Variants in LRRC37A2 observed in about 807,000 individuals in gnomAD.
LRRC37A2 encodes the protein leucine-rich repeat-containing protein 37A2.
LRRC37A2 carries 9 observed loss-of-function variants against 68.8 expected under a neutral mutation model. That is an observed-to-expected ratio of 0.13 (90% CI 0.08 to 0.23). LRRC37A2 has a LOEUF of 0.23. Ranked by LOEUF, LRRC37A2 falls within the 10% of genes least tolerant of loss-of-function variation. LRRC37A2 has a pLI of 1.00. For missense variants in LRRC37A2, 168 were observed against 950.4 expected (o/e 0.18, Z 10.82); for synonymous variants, 63 against 367.6 (o/e 0.17, Z 9.48).
chr17:46,824,659 C>T, the LRRC37A2 span, among the ~76,000 whole-genome samples: 2 of 152,252 alleles, frequency 1.3e-5, no homozygotes, highest in African/African-American at 4.8e-5. Flanking sequence ...TGCTGAACCC[C>T]CAGTGGTGAG....
At chr17:46,877,952 T>C in the LRRC37A2 span, among the ~76,000 whole-genome samples, 1 of 152,198 alleles carries the variant, frequency 6.6e-6, no homozygotes, top group Non-Finnish European at 1.5e-5. Flanking sequence ...ACTTTGATAA[T>C]TTCCTCAGAT....
the LRRC37A2 span, chr17:46,923,232 G>A: frequency 6.4e-7 from 1 of 1,551,024 alleles, no homozygotes; most frequent in Non-Finnish European, 8.7e-7. Flanking sequence ...GTGAGGGCCG[G>A]TCGGGGAGCG....
chr17:47,038,486 G>T, the LRRC37A2 span, among the ~76,000 whole-genome samples: 43 of 151,562 alleles, frequency 2.8e-4, no homozygotes, highest in African/African-American at 9.7e-4. Flanking sequence ...GTGGTGGTGC[G>T]CACCTGTCGT....
At chr17:46,636,162 G>C in the LRRC37A2 span, among the ~76,000 whole-genome samples, 1 of 14,386 alleles carries the variant, frequency 7.0e-5, no homozygotes, top group Non-Finnish European at 1.5e-4. Flanking sequence ...TGTTGTAGTT[G>C]TACAATTAAA....
chr17:46,816,135 A>ACT, the LRRC37A2 span, among the ~76,000 whole-genome samples: 2 of 53,762 alleles, frequency 3.7e-5, no homozygotes, highest in African/African-American at 6.2e-5. Flanking sequence ...ACACACTCAC[A>ACT]CACACGCACG....
chr17:46,830,192 C>T, the LRRC37A2 span, among the ~76,000 whole-genome samples: 5 of 152,164 alleles, frequency 3.3e-5, no homozygotes, highest in African/African-American at 7.2e-5. Context: ...ATAGCCTCCC[C>T]ACCCCCACAC....
the LRRC37A2 span, among the ~76,000 whole-genome samples, chr17:46,822,572 A>G: frequency 6.6e-6 from 1 of 152,104 alleles, no homozygotes; most frequent in African/African-American, 2.4e-5. Context: ...GCCTGGTCCC[A>G]CTCCGCTCCC....
chr17:46,833,127 C>T, the LRRC37A2 span: 1 of 357,740 alleles, frequency 2.8e-6, no homozygotes, highest in Non-Finnish European at 5.5e-6. Flanking sequence ...ACAAAACGAG[C>T]TCATGGCCCT....
the LRRC37A2 span, among the ~76,000 whole-genome samples, chr17:46,811,834 G>A: frequency 6.6e-6 from 1 of 152,206 alleles, no homozygotes; most frequent in Non-Finnish European, 1.5e-5. Context: ...GTGCGCACCT[G>A]TAATCCCAGC....
At chr17:46,589,299 G>A in the LRRC37A2 span, among the ~76,000 whole-genome samples, 1 of 86,604 alleles carries the variant, frequency 1.2e-5, no homozygotes, top group South Asian at 4.7e-4. Flanking sequence ...CAAGCACCCT[G>A]GTCCTCAGGT....
chr17:46,500,469 T>A, the LRRC37A2 span, among the ~76,000 whole-genome samples: 1 of 149,614 alleles, frequency 6.7e-6, no homozygotes, highest in Non-Finnish European at 1.5e-5. Flanking sequence ...CATTTGGGAT[T>A]ACTTTAAACA....
the LRRC37A2 span, among the ~76,000 whole-genome samples, chr17:46,863,162 C>T: frequency 5.3e-5 from 8 of 152,192 alleles, no homozygotes; most frequent in Non-Finnish European, 1.0e-4. Context: ...CTCCCAAAGC[C>T]CGCCCAGCCC....
chr17:46,879,260 A>G, the LRRC37A2 span, among the ~76,000 whole-genome samples: 1 of 152,120 alleles, frequency 6.6e-6, no homozygotes, highest in Non-Finnish European at 1.5e-5. Flanking sequence ...CGGGTCCCCC[A>G]CTGAGCAGGA....
At chr17:46,954,033 A>C in the LRRC37A2 span, among the ~76,000 whole-genome samples, 327 of 152,170 alleles carry the variant, frequency 2.1e-3, 4 homozygotes, top group East Asian at 0.039. Context: ...GAAGCTCTTT[A>C]GTTTGATTAG....
the LRRC37A2 span, chr17:46,773,623 T>TTCC: frequency 2.6e-6 from 1 of 383,480 alleles, no homozygotes; most frequent in East Asian, 8.0e-5. Context: ...TCCTGATCCC[T>TTCC]CCCCCCACCC....
the LRRC37A2 span, among the ~76,000 whole-genome samples, chr17:46,834,858 G>A: frequency 7.2e-5 from 11 of 152,196 alleles, no homozygotes; most frequent in African/African-American, 2.7e-4. Context: ...TCAGGGAAGA[G>A]TCTCTGGAGG....
At chr17:46,708,154 G>C in the LRRC37A2 span, among the ~76,000 whole-genome samples, 1 of 152,154 alleles carries the variant, frequency 6.6e-6, no homozygotes, top group Admixed American at 6.5e-5. Flanking sequence ...TCATTAGCAT[G>C]GCTGTACAGA....
At chr17:46,918,596 GAC>G in the LRRC37A2 span, among the ~76,000 whole-genome samples, 6,541 of 146,608 alleles carry the variant, frequency 0.045, 155 homozygotes, top group African/African-American at 0.054. Context: ...ATAGCAGGCA[GAC>G]ACACACACAC....
intron 2 of LRRC37A2, among the ~76,000 whole-genome samples, chr17:46,516,288 G>T (rs1349971715): frequency 5.5e-5 from 6 of 108,560 alleles, no homozygotes; most frequent in African/African-American, 1.9e-4. Flanking sequence ...GGGCGACAGA[G>T]CAAGACTCCA....
Sources: allele counts gnomAD v4.1 joint callset (sites outside exome capture counted in the v4.1 genomes callset), GRCh38; gene constraint gnomAD v4.1.1; transcripts MANE v1.5; gene names NCBI Gene and HGNC (gene_info 2026-07-23, HGNC 2026-07-21).